Variants in IQCM observed in about 807,000 individuals in gnomAD.
IQCM encodes IQ motif containing M, also known as IQ domain-containing protein M.
IQCM carries 45 observed loss-of-function variants against 57.6 expected under a neutral mutation model. That is an observed-to-expected ratio of 0.78 (90% CI 0.62 to 1.00). The LOEUF (loss-of-function observed/expected upper bound fraction) is 1.00. Among genes scored for constraint, IQCM ranks in the 50% least tolerant of loss-of-function variants. The pLI is 0.00. For missense variants in IQCM, 468 were observed against 511.6 expected (o/e 0.91, Z 0.82); for synonymous variants, 148 against 158.9 (o/e 0.93, Z 0.51).
At chr4:149,582,693 C>A (rs946258744) in intron 9 of IQCM, among the ~76,000 whole-genome samples, 3 of 151,392 alleles carry the variant, frequency 2.0e-5, no homozygotes, top group Non-Finnish European at 3.0e-5. Context: ...ACAGAACACA[C>A]AAGTAGAGGT....
chr4:149,486,837 T>A (rs1459039411), intron 12 of IQCM, among the ~76,000 whole-genome samples: 1 of 152,038 alleles, frequency 6.6e-6, no homozygotes, highest in Non-Finnish European at 1.5e-5. Context: ...GGCAGTGGGC[T>A]CCCCTTTGGC....
intron 7 of IQCM, among the ~76,000 whole-genome samples, chr4:149,628,386 A>G (rs1756989584): frequency 6.6e-6 from 1 of 152,166 alleles, no homozygotes; most frequent in South Asian, 2.1e-4. Flanking sequence ...AAGAAATACA[A>G]AGAAACCAAA....
intron 12 of IQCM, among the ~76,000 whole-genome samples, chr4:149,521,651 A>G (rs1560946090): frequency 6.6e-6 from 1 of 152,244 alleles, no homozygotes; most frequent in African/African-American, 2.4e-5. Flanking sequence ...TTACTTAAGT[A>G]TCTAACAGCG....
chr4:149,435,234 C>T (rs1005506815), intron 12 of IQCM, among the ~76,000 whole-genome samples: 10 of 151,960 alleles, frequency 6.6e-5, no homozygotes, highest in Non-Finnish European at 1.2e-4. Context: ...CTAAGTGGAC[C>T]CTAACTGATA....
chr4:149,532,456 A>G (rs1271802718), intron 12 of IQCM, among the ~76,000 whole-genome samples: 1 of 152,072 alleles, frequency 6.6e-6, no homozygotes, highest in Non-Finnish European at 1.5e-5. Flanking sequence ...CTTTCCTGAA[A>G]AAGAGTTTTG....
At chr4:149,793,212 C>T (rs1045849981) in intron 2 of IQCM, among the ~76,000 whole-genome samples, 1 of 152,150 alleles carries the variant, frequency 6.6e-6, no homozygotes, top group Non-Finnish European at 1.5e-5. Flanking sequence ...CATTTATACC[C>T]AAGATCTAGA....
intron 12 of IQCM, among the ~76,000 whole-genome samples, chr4:149,473,803 T>G (rs1012533374): frequency 2.8e-4 from 42 of 152,066 alleles, no homozygotes; most frequent in African/African-American, 9.2e-4. Flanking sequence ...CCATAAAAAA[T>G]GATGAGTTCA....
intron 12 of IQCM, among the ~76,000 whole-genome samples, chr4:149,442,928 A>ACG: frequency 2.1e-5 from 1 of 46,866 alleles, no homozygotes; most frequent in Admixed American, 3.4e-4. Flanking sequence ...CTCTCAATAC[A>ACG]CACACACACA....
At chr4:149,379,760 G>A (rs2111026018) in intron 13 of IQCM, among the ~76,000 whole-genome samples, 1 of 152,256 alleles carries the variant, frequency 6.6e-6, no homozygotes, top group South Asian at 2.1e-4. Context: ...GGGGACTGTT[G>A]GAATGGCATG....
intron 2 of IQCM, among the ~76,000 whole-genome samples, chr4:149,814,397 G>T (rs1173861632): frequency 6.6e-6 from 1 of 151,874 alleles, no homozygotes; most frequent in Non-Finnish European, 1.5e-5. Context: ...TTTAGAAAAT[G>T]ATCTCTTACC....
At chr4:149,456,827 T>C (rs560281478) in intron 12 of IQCM, among the ~76,000 whole-genome samples, 1 of 152,182 alleles carries the variant, frequency 6.6e-6, no homozygotes, top group African/African-American at 2.4e-5. Flanking sequence ...CCAAAGTACG[T>C]TAATTTGGAT....
At chr4:149,622,661 G>A (rs993268663) in intron 7 of IQCM, among the ~76,000 whole-genome samples, 4 of 152,130 alleles carry the variant, frequency 2.6e-5, no homozygotes, top group Non-Finnish European at 5.9e-5. Flanking sequence ...GCAAGGGAAA[G>A]GCCATGCCCT....
rs560707951 is a variant in IQCM, at chr4:149,470,988, T to C, written c.1229-37431A>G. On this transcript the variant is annotated intron_variant, in intron 12 of 13. Transcript: ENST00000636793. ...AAAGCAGTGTGTAGAGGGAAATTTA[T>C]AGCACTAAATGCCCACAAGAGAAAG... 1.9e-4 allele frequency among the ~76,000 whole-genome samples: 29 copies of C among 152,300 alleles called. No individual in the cohort carries two copies. In the South Asian group the frequency reaches 5.8e-3, roughly 30 times the overall value.
intron 2 of IQCM, among the ~76,000 whole-genome samples, chr4:149,796,491 G>T (rs1235654467): frequency 6.6e-6 from 1 of 152,168 alleles, no homozygotes; most frequent in African/African-American, 2.4e-5. Flanking sequence ...GGAACCTGCT[G>T]CCCTGAAGGG....
At chr4:149,749,250 T>C (rs1768209566) in intron 2 of IQCM, among the ~76,000 whole-genome samples, 1 of 152,192 alleles carries the variant, frequency 6.6e-6, no homozygotes, top group Non-Finnish European at 1.5e-5. Flanking sequence ...CATATAAGAA[T>C]GATCATAGCA....
intron 2 of IQCM, among the ~76,000 whole-genome samples, chr4:149,782,577 G>A (rs147050917): frequency 0.022 from 3,331 of 151,172 alleles, 63 homozygotes; most frequent in South Asian, 0.035. Context: ...CTCCAGTCTG[G>A]GTGTCAGAGC....
At chr4:149,375,719 T>A (rs1034065421) in intron 13 of IQCM, among the ~76,000 whole-genome samples, 13 of 152,168 alleles carry the variant, frequency 8.5e-5, no homozygotes, top group African/African-American at 3.1e-4. Context: ...TTTAATTCAT[T>A]GATTCTTCCT....
chr4:149,582,051 C>T (rs550719146), intron 9 of IQCM, among the ~76,000 whole-genome samples: 23 of 150,780 alleles, frequency 1.5e-4, no homozygotes, highest in African/African-American at 4.9e-4. Flanking sequence ...TTGGTAAGAA[C>T]GAGAAGTGAA....
intron 7 of IQCM, among the ~76,000 whole-genome samples, chr4:149,655,592 C>T (rs933782569): frequency 2.6e-5 from 4 of 151,760 alleles, no homozygotes; most frequent in Middle Eastern, 3.2e-3. Context: ...TGTTACGTAC[C>T]GATAGAGCAA....
Sources: gnomAD v4.1 joint callset for allele counts (sites outside exome capture counted in the v4.1 genomes callset) on GRCh38, gnomAD v4.1.1 for gene constraint, MANE v1.5 for transcripts, NCBI Gene and HGNC (gene_info 2026-07-23, HGNC 2026-07-21) for gene names.